KIF21B: variants seen among roughly 807,000 people sequenced by gnomAD.
KIF21B encodes kinesin family member 21B.
In KIF21B, 85 loss-of-function variants were observed where a neutral mutation model predicts 192.9. That is an observed-to-expected ratio of 0.44 (90% CI 0.37 to 0.53). KIF21B has a LOEUF of 0.53. Among genes scored for constraint, KIF21B ranks in the 20% least tolerant of loss-of-function variants. The probability of loss-of-function intolerance (pLI) is 0.00; values close to 1 mark genes in which losing one functional copy is unlikely to be tolerated. For missense variants in KIF21B, 1,716 were observed against 2,194.8 expected (o/e 0.78, Z 4.36); for synonymous variants, 832 against 884.6 (o/e 0.94, Z 1.05).
intron 24 of KIF21B, among the ~76,000 whole-genome samples, chr1:200,987,639 C>T (rs1656395941): frequency 6.6e-6 from 1 of 152,234 alleles, no homozygotes; most frequent in Admixed American, 6.5e-5. Flanking sequence ...TGCTCCACAG[C>T]TAAACTCTTA....
chr1:201,019,531 C>T (rs1429181213), intron 1 of KIF21B, among the ~76,000 whole-genome samples: 1 of 152,090 alleles, frequency 6.6e-6, no homozygotes, highest in Admixed American at 6.5e-5. Flanking sequence ...TCACCTCTGC[C>T]ACCTCCCTGG....
At position 201,009,329 on chromosome 1, in the gene KIF21B, A is replaced by G. The variant is rs1658101367; in HGVS notation, c.201T>C (p.Cys67=). 1 of 1,614,144 alleles carries G rather than the reference A, an allele frequency of 6.2e-7. No individual in the cohort carries two copies. The highest frequency in any genetic ancestry group is 1.3e-5 in the African/African-American group (1 of 74,946). Residue 67 remains cysteine, a synonymous_variant, in exon 2 of 35, where the codon TGT becomes TGC. Coordinates refer to ENST00000461742, the MANE Select transcript of KIF21B (RefSeq NM_001252102.2). ...AGCAGCCCTCGATGAGCTTGCTCACACAGGTGGAATAGATCTGTTCTTGCC... is the reference window on the plus strand; with the variant it reads ...AGCAGCCCTCGATGAGCTTGCTCACGCAGGTGGAATAGATCTGTTCTTGCC... ...DTWQEQIYST[C]VSKLIEGCFE... is the part of the protein sequence containing the mutation.
At chr1:200,983,125 G>T (rs1489266287) in intron 27 of KIF21B, 31 bp from the exon 28 acceptor site, 16 of 1,532,700 alleles carry the variant, frequency 1.0e-5, no homozygotes, top group East Asian at 7.3e-5. Context: ...GCTGGATTAG[G>T]GGGTGAGAGG....
At chr1:201,013,144 C>T (rs56112709) in intron 1 of KIF21B, among the ~76,000 whole-genome samples, 1 of 152,158 alleles carries the variant, frequency 6.6e-6, no homozygotes, top group African/African-American at 2.4e-5. Context: ...TTTACCACAC[C>T]CTGCCTAGTG....
rs182259945 is a variant in KIF21B at position 201,014,036 on chromosome 1, G to A, written c.42-4548C>T. 2.2e-3 allele frequency among the ~76,000 whole-genome samples: 342 copies of A among 152,348 alleles called. 5 individuals carry two copies. Among genetic ancestry groups the A allele is most frequent in the Non-Finnish European group, 1.5e-3 (99 of 68,016 alleles). The stretch of plus-strand genomic sequence containing the variant: ...CCCCGGAATCTCCCAGAACAGAGCC[G>A]GGCCTATTTGCCACTTGGCAACCCG... On this transcript the variant is annotated intron_variant, in intron 1 of 34. Coordinates refer to ENST00000461742, the MANE Select transcript of KIF21B (RefSeq NM_001252102.2).
chr1:201,019,725 C>A (rs1227588595), intron 1 of KIF21B, among the ~76,000 whole-genome samples: 1 of 152,146 alleles, frequency 6.6e-6, no homozygotes, highest in Non-Finnish European at 1.5e-5. Context: ...TCTCAGGTCT[C>A]CACACAGCCC....
rs1252446264 is a variant in KIF21B at position 200,974,831 on chromosome 1, G to A, written c.4697C>T (p.Ala1566Val). The A allele has an allele frequency of 5.6e-6, 9 of 1,614,104 alleles. No individual in the cohort carries two copies. The highest frequency in any genetic ancestry group is 5.0e-5 in the Admixed American group (3 of 60,016). The change falls in exon 34 of 35, where the codon GCG becomes GTG. Residue 1566 changes from alanine (A) to valine (V), a missense_variant. By Grantham distance (64) the Ala-to-Val change is moderately conservative. Transcript: ENST00000461742. ...GRPMLLSACR[A>V]GVIKVWNVDN... is the part of the protein sequence containing the mutation. ...CACGTTCCAGACCTTGATGACACCCGCACGGCAGGCGCTGAGCAGCATGGG... is the reference window on the plus strand; with the variant it reads ...CACGTTCCAGACCTTGATGACACCCACACGGCAGGCGCTGAGCAGCATGGG...
rs915302933 is a variant in KIF21B, at chr1:201,000,040, G to A, written c.1686-76C>T. The A allele has an allele frequency of 8.2e-5, 109 of 1,333,168 alleles. No homozygotes were observed. Among genetic ancestry groups the A allele is most frequent in the Non-Finnish European group, 9.9e-5 (92 of 932,488 alleles). 82.6% of individuals were successfully genotyped at this position (1,333,168 alleles called of 1,614,324 possible). Reference sequence around the variant, plus strand: ...AGCACATGGGCAGGACGGCGGCAGCGGCAGAAAAGGAAGGCTCTCACCAGA... The same window carrying A: ...AGCACATGGGCAGGACGGCGGCAGCAGCAGAAAAGGAAGGCTCTCACCAGA... On this transcript the variant is annotated intron_variant, in intron 11 of 34. Coordinates refer to ENST00000461742, the MANE Select transcript of KIF21B (RefSeq NM_001252102.2). This position sits in a 1 kb window ranked among gnomAD's most constrained non-coding sequence, Gnocchi z 6.0.
intron 21 of KIF21B, among the ~76,000 whole-genome samples, 182 bp downstream of exon 21, chr1:200,989,759 CT>C (rs1656554120): frequency 6.6e-6 from 1 of 152,250 alleles, no homozygotes; most frequent in African/African-American, 2.4e-5. Context: ...AAGCTACAAG[CT>C]TGGTATGGTC....
chr1:201,004,299 T>A, intron 7 of KIF21B, 41 bp downstream of exon 7: 1 of 1,494,072 alleles, frequency 6.7e-7, no homozygotes, highest in Non-Finnish European at 9.1e-7. Flanking sequence ...GGAACCTCCC[T>A]GCCTCCCCTG....
chr1:200,989,829 G>T, intron 21 of KIF21B, 113 bp downstream of exon 21: 1 of 782,558 alleles, frequency 1.3e-6, no homozygotes, highest in Non-Finnish European at 2.1e-6. Context: ...GCTTGTCCTA[G>T]CCTGTGAGTG....
In KIF21B at chr1:201,000,073, G is replaced by A. The variant is rs111877841; in HGVS notation, c.1686-109C>T. 32 of 974,860 alleles carry A rather than the reference G, an allele frequency of 3.3e-5. No homozygotes were observed. In the African/African-American group the frequency reaches 4.1e-4, roughly 13 times the overall value. The allele number at this position is 974,860 out of a possible 1,614,324, so 60.4% of individuals were successfully genotyped here. The stretch of plus-strand genomic sequence containing the variant: ...AGGAAGGCTCTCACCAGAGGCCGGG[G>A]AGAGCACTGGCTCCTACTCTGCAGA... On this transcript the variant is annotated intron_variant, in intron 11 of 34. Coordinates refer to ENST00000461742, the MANE Select transcript of KIF21B (RefSeq NM_001252102.2). This position sits in a 1 kb window ranked among gnomAD's most constrained non-coding sequence, Gnocchi z 6.0.
chr1:201,012,683 C>A (rs1658307003), intron 1 of KIF21B, among the ~76,000 whole-genome samples: 1 of 151,384 alleles, frequency 6.6e-6, no homozygotes, highest in Non-Finnish European at 1.5e-5. Context: ...CACCTTGTTG[C>A]CCCAGGGTGG....
At chr1:200,993,471 G>C (rs1656841258) in intron 15 of KIF21B, among the ~76,000 whole-genome samples, 1 of 152,206 alleles carries the variant, frequency 6.6e-6, no homozygotes, top group African/African-American at 2.4e-5. Flanking sequence ...GCCGAGCGCG[G>C]TGGCTCACAC....
At position 200,988,823 on chromosome 1, in the gene KIF21B, G is replaced by A. The variant is rs764300358; in HGVS notation, c.3241C>T (p.Arg1081Cys). 3.1e-6 allele frequency: 5 copies of A among 1,613,576 alleles called. No individual in the cohort carries two copies. Among genetic ancestry groups the A allele is most frequent in the East Asian group, 2.2e-5 (1 of 44,870 alleles). The change falls in exon 22 of 35, where the codon CGT becomes TGT. Residue 1081 changes from arginine to cysteine, a missense_variant. Arg to Cys is a radical substitution (Grantham distance 180). Coordinates refer to ENST00000461742, the MANE Select transcript of KIF21B (RefSeq NM_001252102.2). ...SQNHLLLDAL[R>C]EKAEAHPELQ... is the part of the protein sequence containing the mutation. ...TCGGGGTGAGCTTCAGCCTTCTCACGCAGGGCGTCCAGGAGCAGATGGTTC... is the reference window on the plus strand; with the variant it reads ...TCGGGGTGAGCTTCAGCCTTCTCACACAGGGCGTCCAGGAGCAGATGGTTC...
rs1436067508 is a variant in KIF21B, at chr1:200,970,222, T to C, written c.*3299A>G. On this transcript the variant is annotated 3_prime_UTR_variant, in exon 35 of 35. Coordinates refer to ENST00000461742, the MANE Select transcript of KIF21B (RefSeq NM_001252102.2). The stretch of plus-strand genomic sequence containing the variant: ...CCTGCTGGTGTCTCCCTCCACCACA[T>C]CAGGCACATGAGAAAGTCCCCGCAA... 2 of 152,898 alleles carry C rather than the reference T, an allele frequency of 1.3e-5. No homozygotes were observed. Among genetic ancestry groups the C allele is most frequent in the Admixed American group, 1.3e-4 (2 of 15,288 alleles). The allele number at this position is 152,898 out of a possible 1,614,324, so 9.5% of individuals were successfully genotyped here.
In KIF21B at chr1:201,023,263, T is replaced by C; in HGVS notation, c.41+80A>G. On this transcript the variant is annotated intron_variant, in intron 1 of 34. Coordinates refer to ENST00000461742, the MANE Select transcript of KIF21B (RefSeq NM_001252102.2). This position sits in a 1 kb window ranked among gnomAD's most constrained non-coding sequence, Gnocchi z 5.9. ...GTGCAGGCTCCAGCCCAAGCGGTGC[T>C]CGCGCCCCCCGCCCAAAGCCCACGC... is the stretch of plus-strand genomic sequence containing the variant. 1 of 1,300,622 alleles carries C rather than the reference T, an allele frequency of 7.7e-7. No homozygotes were observed. The highest frequency in any genetic ancestry group is 2.5e-5 in the Admixed American group (1 of 39,686). The allele number at this position is 1,300,622 out of a possible 1,614,324, so 80.6% of individuals were successfully genotyped here.
At position 201,003,603 on chromosome 1, in the gene KIF21B, G is replaced by C. The variant is rs1473016933; in HGVS notation, c.1195C>G (p.Leu399Val). The C allele has an allele frequency of 1.2e-6, 2 of 1,613,972 alleles. No individual in the cohort carries two copies. Among genetic ancestry groups the C allele is most frequent in the South Asian group, 1.1e-5 (1 of 91,084 alleles). The change falls in exon 8 of 35, where the codon CTG becomes GTG. Residue 399 changes from leucine (L) to valine (V), a missense_variant. Leu to Val is a conservative substitution (Grantham distance 32). Coordinates refer to ENST00000461742, the MANE Select transcript of KIF21B (RefSeq NM_001252102.2). The stretch of plus-strand genomic sequence containing the variant: ...ATGCTCACCGCCTTATACTCCATCA[G>C]CTCCATCTGCAGCCGAGCAATCTCA... ...RAEIARLQME[L>V]MEYKAGKRVI...
chr1:200,970,613 G>C lies in KIF21B; in HGVS notation c.*2908C>G, dbSNP rs932858819. 2 of 152,510 alleles carry C rather than the reference G, an allele frequency of 1.3e-5. No individual in the cohort carries two copies. The highest frequency in any genetic ancestry group is 4.8e-5 in the African/African-American group (2 of 41,480). The allele number at this position is 152,510 out of a possible 1,614,324, so 9.4% of individuals were successfully genotyped here. On this transcript the variant is annotated 3_prime_UTR_variant, in exon 35 of 35. Coordinates refer to ENST00000461742, the MANE Select transcript of KIF21B (RefSeq NM_001252102.2). ...GGACAGGGCCCTGGCACAGGACTAT[G>C]CTGAAGAGGCCCAAGGGCAGTGGGG... is the stretch of plus-strand genomic sequence containing the variant.
Sources: allele counts gnomAD v4.1 joint callset (sites outside exome capture counted in the v4.1 genomes callset), GRCh38; gene constraint gnomAD v4.1.1; non-coding constraint Gnocchi (gnomAD v3.1); transcripts MANE v1.5; gene names NCBI Gene and HGNC (gene_info 2026-07-23, HGNC 2026-07-21).